USH2A: variants seen among roughly 807,000 people sequenced by gnomAD.
USH2A encodes the protein usherin.
A neutral mutation model predicts 538.9 loss-of-function variants in USH2A; 443 were observed. That is an observed-to-expected ratio of 0.82 (90% CI 0.76 to 0.89). USH2A has a LOEUF of 0.89. Ranked by LOEUF, USH2A falls within the 40% of genes least tolerant of loss-of-function variation. The pLI is 0.00. For missense variants in USH2A, 6,633 were observed against 6,324.8 expected (o/e 1.05, Z -1.65); for synonymous variants, 2,413 against 2,273.5 (o/e 1.06, Z -1.75).
chr1:216,356,932 T>G (rs1306004672), intron 4 of USH2A, among the ~76,000 whole-genome samples: 2 of 152,156 alleles, frequency 1.3e-5, no homozygotes, highest in African/African-American at 2.4e-5. Flanking sequence ...GCTTTTCTAG[T>G]CCTTGCCAAA....
intron 38 of USH2A, chr1:215,901,578 A>G (rs1024045683): frequency 1.3e-5 from 2 of 155,310 alleles, no homozygotes; most frequent in African/African-American, 4.8e-5. Flanking sequence ...AAGTTGGAAC[A>G]TGCATACCAC....
chr1:216,341,753 C>A (rs2038080348), intron 4 of USH2A, among the ~76,000 whole-genome samples: 1 of 152,074 alleles, frequency 6.6e-6, no homozygotes, highest in Admixed American at 6.6e-5. Context: ...GGAAAAGATT[C>A]CCTATTTTAT....
rs576683117 is a variant in USH2A at position 216,266,951 on chromosome 1, T to A, written c.1972-15853A>T. ...TCAAATAATATTTTATATATATATA[T>A]AAAACATGTTAAGTGTTTAATTGGA... is the stretch of plus-strand genomic sequence containing the variant. On this transcript the variant is annotated intron_variant, in intron 11 of 71. Coordinates refer to ENST00000307340, the MANE Select transcript of USH2A (RefSeq NM_206933.4). Among the ~76,000 whole-genome samples the A allele has an allele frequency of 1.4e-3, 219 of 151,822 alleles. 1 individual carries two copies. Among genetic ancestry groups the A allele is most frequent in the Middle Eastern group, 6.8e-3 (2 of 292 alleles).
intron 9 of USH2A, among the ~76,000 whole-genome samples, chr1:216,304,719 T>G (rs1435263437): frequency 6.6e-6 from 1 of 152,018 alleles, no homozygotes; most frequent in Non-Finnish European, 1.5e-5. Flanking sequence ...TGTCACTATA[T>G]CAAACAATTC....
rs201527662 is a variant in USH2A at position 216,246,592 on chromosome 1, A to T, written c.2802T>A (p.Cys934Ter). 1 of 1,614,032 alleles carries T rather than the reference A, an allele frequency of 6.2e-7. No individual in the cohort carries two copies. Among genetic ancestry groups the T allele is most frequent in the Non-Finnish European group, 8.5e-7 (1 of 1,179,914 alleles). Reference protein sequence around the residue: ...PNRQGRRCNQCQPGFYISPGN... With the variant: ...PNRQGRRCNQ ...AATACATTTCTTTCTTACCTGGTTG[A>T]CACTGATTACACCTTCTTCCTTGAC... Residue 934 changes from cysteine to a stop codon, truncating the protein, a stop_gained, in exon 13 of 72, where the codon TGT (cysteine) becomes TGA (stop). Transcript: ENST00000307340. LOFTEE classifies it high-confidence loss of function.
chr1:215,836,216 C>A (rs1464095978), intron 47 of USH2A, among the ~76,000 whole-genome samples: 2 of 151,416 alleles, frequency 1.3e-5, no homozygotes, highest in African/African-American at 4.8e-5. Context: ...CTTCCTTGAG[C>A]TTTTCAAGAC....
At chr1:216,306,343 C>T (rs1329136379) in intron 9 of USH2A, among the ~76,000 whole-genome samples, 1 of 151,980 alleles carries the variant, frequency 6.6e-6, no homozygotes, top group Non-Finnish European at 1.5e-5. Flanking sequence ...TAAGTGTGTC[C>T]TTAATTTCCA....
At chr1:216,171,026 A>G (rs1392019088) in intron 21 of USH2A, among the ~76,000 whole-genome samples, 1 of 152,104 alleles carries the variant, frequency 6.6e-6, no homozygotes, top group African/African-American at 2.4e-5. Flanking sequence ...TGCTTTTTTT[A>G]TAACATCTGA....
chr1:216,010,015 T>C (rs1017400666), intron 32 of USH2A, among the ~76,000 whole-genome samples: 3 of 152,166 alleles, frequency 2.0e-5, no homozygotes, highest in African/African-American at 4.8e-5. Flanking sequence ...GTCAAAAGGC[T>C]GTCTTATACT....
At chr1:215,754,213 A>T (rs1372768790) in intron 58 of USH2A, among the ~76,000 whole-genome samples, 1 of 152,182 alleles carries the variant, frequency 6.6e-6, no homozygotes, top group Admixed American at 6.5e-5. Context: ...ATATAGTAGG[A>T]ATTTAACAAA....
At chr1:216,264,639 G>C (rs888219722) in intron 11 of USH2A, among the ~76,000 whole-genome samples, 1 of 152,052 alleles carries the variant, frequency 6.6e-6, no homozygotes, top group African/African-American at 2.4e-5. Context: ...TTCAAAAAGA[G>C]CAAGACTGAG....
intron 32 of USH2A, among the ~76,000 whole-genome samples, chr1:216,035,353 G>A (rs1241239717): frequency 1.3e-5 from 2 of 152,112 alleles, no homozygotes; most frequent in Non-Finnish European, 2.9e-5. Context: ...ATGTGAAGAT[G>A]ATGGCAGAGA....
At chr1:216,278,320 A>C (rs2036709214) in intron 11 of USH2A, among the ~76,000 whole-genome samples, 1 of 152,114 alleles carries the variant, frequency 6.6e-6, no homozygotes, top group South Asian at 2.1e-4. Context: ...ATCTATTTTT[A>C]CTTTCAGGCA....
At chr1:216,141,527 C>G (rs1285885010) in intron 21 of USH2A, among the ~76,000 whole-genome samples, 3 of 152,194 alleles carry the variant, frequency 2.0e-5, no homozygotes, top group Non-Finnish European at 4.4e-5. Context: ...AAAACATCTT[C>G]TCAGACTCCA....
chr1:215,970,029 A>T (rs1229973920), intron 36 of USH2A, among the ~76,000 whole-genome samples: 2 of 152,176 alleles, frequency 1.3e-5, no homozygotes, highest in Non-Finnish European at 2.9e-5. Context: ...AATAGAAAAC[A>T]TAATCTTGTC....
At chr1:216,032,498 C>A (rs940342899) in intron 32 of USH2A, among the ~76,000 whole-genome samples, 1 of 152,036 alleles carries the variant, frequency 6.6e-6, no homozygotes, top group Non-Finnish European at 1.5e-5. Flanking sequence ...AGAATGACTC[C>A]CAGTGACACA....
intron 60 of USH2A, among the ~76,000 whole-genome samples, chr1:215,735,013 C>T (rs367626908): frequency 5.3e-5 from 8 of 152,190 alleles, no homozygotes; most frequent in African/African-American, 1.4e-4. Flanking sequence ...CATAGCAACA[C>T]GCTACTCCTG....
At position 215,736,617 on chromosome 1, in the gene USH2A, G is replaced by T. The variant is rs1357053509; in HGVS notation, c.11711+4758C>A. Among the ~76,000 whole-genome samples the T allele has an allele frequency of 2.0e-5, 3 of 151,902 alleles. No homozygotes were observed. In the East Asian group the frequency reaches 5.8e-4, roughly 29 times the overall value. On this transcript the variant is annotated intron_variant, in intron 60 of 71. Coordinates refer to ENST00000307340, the MANE Select transcript of USH2A (RefSeq NM_206933.4). ...GTTATTTTTAATATGATCATGAAAG[G>T]GAGATTTTCTTTAATGTGGAAAGAA...
At chr1:216,222,199 G>A (rs1218051266) in intron 14 of USH2A, among the ~76,000 whole-genome samples, 1 of 152,100 alleles carries the variant, frequency 6.6e-6, no homozygotes, top group Non-Finnish European at 1.5e-5. Flanking sequence ...TAGTTACAAG[G>A]TCAGCAATCT....
Sources: allele counts gnomAD v4.1 joint callset (sites outside exome capture counted in the v4.1 genomes callset), GRCh38; gene constraint gnomAD v4.1.1; transcripts MANE v1.5; gene names NCBI Gene and HGNC (gene_info 2026-07-23, HGNC 2026-07-21).